BRWD1: variants seen among roughly 807,000 people sequenced by gnomAD.
BRWD1 encodes bromodomain and WD repeat domain containing 1.
BRWD1 carries 82 observed loss-of-function variants against 251.2 expected under a neutral mutation model. The observed-to-expected ratio is 0.33, with a 90% CI of 0.27 to 0.39. The LOEUF is 0.39. Among genes scored for constraint, BRWD1 ranks in the 10% least tolerant of loss-of-function variants. BRWD1 has a pLI of 1.00. For synonymous variants in BRWD1, 918 were observed against 902.8 expected, an observed-to-expected ratio of 1.02 and a Z score of -0.30; for missense variants, 2,233 against 2,711.6, an observed-to-expected ratio of 0.82 and a Z score of 3.92.
intron 8 of BRWD1, among the ~76,000 whole-genome samples, chr21:39,282,588 G>T (rs1341179308): frequency 1.3e-5 from 2 of 152,116 alleles, no homozygotes; most frequent in Non-Finnish European, 2.9e-5. Flanking sequence ...CTTCCACACT[G>T]AATTGCTAAT....
intron 38 of BRWD1, among the ~76,000 whole-genome samples, chr21:39,201,816 G>A (rs1443548140): frequency 2.0e-5 from 3 of 152,142 alleles, no homozygotes; most frequent in Non-Finnish European, 4.4e-5. Flanking sequence ...TAAAAGATAT[G>A]TATAAATGAT....
At chr21:39,288,823 A>C (rs1286184999) in intron 8 of BRWD1, among the ~76,000 whole-genome samples, 2 of 152,194 alleles carry the variant, frequency 1.3e-5, no homozygotes, top group Non-Finnish European at 2.9e-5. Context: ...TTCATGTTGA[A>C]TAGGCTGAAG....
In BRWD1 at chr21:39,228,622, G is replaced by A; in HGVS notation, c.3126-40C>T. On this transcript the variant is annotated intron_variant, in intron 26 of 40. Coordinates refer to ENST00000342449, the MANE Select transcript of BRWD1 (RefSeq NM_033656.4). The stretch of plus-strand genomic sequence containing the variant: ...AAAAAATTGTTAAACTCTCTACATA[G>A]CAGGTTATATAGTCTAAAAGCAGCA... 3 of 1,189,230 alleles carry A rather than the reference G, an allele frequency of 2.5e-6. No homozygotes were observed. In the South Asian group the frequency reaches 3.7e-5, roughly 15 times the overall value. 73.7% of individuals were successfully genotyped at this position (1,189,230 alleles called of 1,614,324 possible). A position where few individuals can be genotyped will look rare whatever the true frequency, so the allele number is the denominator to read the frequency against.
At chr21:39,267,037 G>T (rs1483009348) in intron 15 of BRWD1, among the ~76,000 whole-genome samples, 1 of 152,192 alleles carries the variant, frequency 6.6e-6, no homozygotes, top group Admixed American at 6.5e-5. Flanking sequence ...GATAGTTAAG[G>T]TAATGGATGT....
At chr21:39,259,393 C>T (rs748403145) in intron 17 of BRWD1, among the ~76,000 whole-genome samples, 3 of 152,160 alleles carry the variant, frequency 2.0e-5, no homozygotes, top group Non-Finnish European at 2.9e-5. Flanking sequence ...TGGGTTCAGG[C>T]CATTCTCCTG....
chr21:39,254,095 C>T (rs1215982020), intron 19 of BRWD1, among the ~76,000 whole-genome samples: 2 of 151,988 alleles, frequency 1.3e-5, no homozygotes, highest in African/African-American at 2.4e-5. Context: ...GGAGAAACCC[C>T]GTCTCTACTA....
intron 21 of BRWD1, among the ~76,000 whole-genome samples, chr21:39,239,466 G>A (rs1255218508): frequency 6.6e-6 from 1 of 152,104 alleles, no homozygotes; most frequent in Non-Finnish European, 1.5e-5. Context: ...TTGCTCCTTT[G>A]CCAAAGATCG....
intron 15 of BRWD1, 83 bp from the exon 16 acceptor site, chr21:39,265,102 G>A: frequency 7.4e-7 from 1 of 1,347,686 alleles, no homozygotes; most frequent in African/African-American, 1.5e-5. Context: ...TGGATAACCT[G>A]TGACAATATA....
At chr21:39,262,344 G>A (rs1002114340) in intron 17 of BRWD1, among the ~76,000 whole-genome samples, 33 of 152,206 alleles carry the variant, frequency 2.2e-4, no homozygotes, top group African/African-American at 7.7e-4. Flanking sequence ...GAATAAACAG[G>A]AACAAACTAC....
chr21:39,231,409 T>C (rs1447712527), intron 25 of BRWD1, among the ~76,000 whole-genome samples: 1 of 152,204 alleles, frequency 6.6e-6, no homozygotes, highest in Admixed American at 6.5e-5. Flanking sequence ...AGATGGGCTG[T>C]ACATAGTAAG....
intron 5 of BRWD1, chr21:39,297,391 A>G: frequency 1.0e-6 from 1 of 985,388 alleles, no homozygotes; most frequent in Non-Finnish European, 1.2e-6. Flanking sequence ...CCCCTACCCT[A>G]GGGCAGCTTG....
chr21:39,245,484 CCTA>C (rs1396363010), intron 21 of BRWD1, among the ~76,000 whole-genome samples: 8 of 152,124 alleles, frequency 5.3e-5, no homozygotes. Context: ...TAATTATTAA[CCTA>C]CTGCATCATA....
chr21:39,271,956 T>C (rs1387272821), intron 13 of BRWD1, among the ~76,000 whole-genome samples: 1 of 140,542 alleles, frequency 7.1e-6, no homozygotes, highest in African/African-American at 2.7e-5. Context: ...GGAGAATCAC[T>C]TGAACCCAGG....
intron 23 of BRWD1, among the ~76,000 whole-genome samples, chr21:39,233,903 C>G (rs1349227621): frequency 2.4e-4 from 36 of 152,122 alleles, no homozygotes. Flanking sequence ...GCCTGTAGTC[C>G]CAGCTACTTG....
In BRWD1 at chr21:39,187,339, G is replaced by C. The variant is rs755641402; in HGVS notation, c.*8920C>G. On this transcript the variant is annotated 3_prime_UTR_variant, in exon 41 of 41. Transcript: ENST00000342449. ...CATTTTTGCTTTCAGAGTTTCACTA[G>C]GCATCTGCACTGCATCCTTCTGATT... 1 of 1,613,814 alleles carries C rather than the reference G, an allele frequency of 6.2e-7. No homozygotes were observed. The highest frequency in any genetic ancestry group is 1.1e-5 in the South Asian group (1 of 91,078).
At chr21:39,316,672 C>T (rs958986668), upstream of BRWD1, among the ~76,000 whole-genome samples, 1 of 152,232 alleles carries the variant, frequency 6.6e-6, no homozygotes, top group Non-Finnish European at 1.5e-5. Flanking sequence ...GACACAGTGG[C>T]TCACACCTGT....
chr21:39,206,638 T>C (rs905033284), intron 36 of BRWD1, among the ~76,000 whole-genome samples: 1 of 152,338 alleles, frequency 6.6e-6, no homozygotes, highest in East Asian at 1.9e-4. Context: ...GGCTGCTATT[T>C]AGGCTACAAA....
chr21:39,278,965 G>T, intron 9 of BRWD1, 152 bp from the exon 10 acceptor site: 1 of 551,484 alleles, frequency 1.8e-6, no homozygotes, highest in Non-Finnish European at 2.9e-6. Context: ...AAACTCTTGG[G>T]CTCAAGGGAC....
chr21:39,213,562 CA>C lies in BRWD1; in HGVS notation c.3786-10del. The C allele has an allele frequency of 6.3e-7, 1 of 1,578,338 alleles. No homozygotes were observed. Among genetic ancestry groups the C allele is most frequent in the Non-Finnish European group, 8.7e-7 (1 of 1,154,006 alleles). ...TTGTACAGTGTTGATTCCTAAAAAA[CA>C]AATTTTCACTTTAATAGTATGCAGA... On this transcript the variant is annotated splice_polypyrimidine_tract_variant and intron_variant, in intron 32 of 40. Transcript: ENST00000342449.
Sources: gnomAD v4.1 joint callset for allele counts (sites outside exome capture counted in the v4.1 genomes callset) on GRCh38, gnomAD v4.1.1 for gene constraint, MANE v1.5 for transcripts, NCBI Gene and HGNC (gene_info 2026-07-23, HGNC 2026-07-21) for gene names.